NR3C1: variants seen among roughly 807,000 people sequenced by gnomAD.
NR3C1 encodes the protein glucocorticoid receptor.
NR3C1 carries 14 observed loss-of-function variants against 74.0 expected under a neutral mutation model. The observed-to-expected ratio is 0.19, with a 90% CI of 0.12 to 0.30. The LOEUF (loss-of-function observed/expected upper bound fraction) is 0.30, where lower values mean the gene tolerates loss of function less well. Ranked by LOEUF, NR3C1 falls within the 10% of genes least tolerant of loss-of-function variation. The probability of loss-of-function intolerance (pLI) is 1.00; values close to 1 mark genes in which losing one functional copy is unlikely to be tolerated. For missense variants in NR3C1, 695 were observed against 909.8 expected, an observed-to-expected ratio of 0.76 and a Z score of 3.04; for synonymous variants, 308 against 332.5, an observed-to-expected ratio of 0.93 and a Z score of 0.80.
intron 2 of NR3C1, among the ~76,000 whole-genome samples, chr5:143,322,161 C>T (rs1195509538): frequency 6.6e-6 from 1 of 152,138 alleles, no homozygotes; most frequent in Non-Finnish European, 1.5e-5. Context: ...TCTCCACAGA[C>T]CTAAGAGGTG....
chr5:143,403,624 C>G lies in NR3C1; in HGVS notation c.-427G>C, dbSNP rs10482607. The G allele has an allele frequency of 7.5e-5, 74 of 986,290 alleles. No individual in the cohort carries two copies. In the African/African-American group the frequency reaches 1.1e-3, roughly 15 times the overall value. The allele number at this position is 986,290 out of a possible 1,614,324, so 61.1% of individuals were successfully genotyped here. A position where few individuals can be genotyped will look rare whatever the true frequency, so the allele number is the denominator to read the frequency against. ...CGGCGGAGGGAAGAGAGCGCGGACA[C>G]GCGAAAGGGCAGCCCGGCCTGGGCG... On this transcript the variant is annotated 5_prime_UTR_variant, in exon 1 of 9. Transcript: ENST00000394464.
intron 2 of NR3C1, among the ~76,000 whole-genome samples, chr5:143,356,427 T>C (rs972827530): frequency 6.6e-6 from 1 of 151,848 alleles, no homozygotes; most frequent in Non-Finnish European, 1.5e-5. Flanking sequence ...GAAAAATGGG[T>C]GGGAAGTATC....
rs571795102 is a variant in NR3C1 at position 143,403,515 on chromosome 5, T to A, written c.-318A>T. ...GGCCGCTCCGGCTGCGGCGTCTCCT[T>A]CCACCCACAGAATCCGTCCCCGACG... On this transcript the variant is annotated 5_prime_UTR_variant, in exon 1 of 9. Transcript: ENST00000394464. The A allele has an allele frequency of 1.0e-6, 1 of 985,202 alleles. No homozygotes were observed. The allele number at this position is 985,202 out of a possible 1,614,324, so 61.0% of individuals were successfully genotyped here.
At chr5:143,426,817 C>T (rs1397430694) in intron 1 of NR3C1, among the ~76,000 whole-genome samples, 8 of 152,222 alleles carry the variant, frequency 5.3e-5, no homozygotes, top group Non-Finnish European at 1.2e-4. Context: ...TTGGCTGATG[C>T]TGACCTGTGA....
At chr5:143,422,881 G>A (rs946166896) in intron 1 of NR3C1, among the ~76,000 whole-genome samples, 2 of 152,026 alleles carry the variant, frequency 1.3e-5, no homozygotes, top group Admixed American at 1.3e-4. Context: ...AATGACTTTT[G>A]TCTTTCTTGT....
At chr5:143,426,984 A>G (rs891544694) in intron 1 of NR3C1, among the ~76,000 whole-genome samples, 10 of 152,176 alleles carry the variant, frequency 6.6e-5, no homozygotes, top group African/African-American at 2.4e-4. Flanking sequence ...AAGTCCATAA[A>G]TCATACAGAC....
chr5:143,431,961 A>T (rs973722753), intron 1 of NR3C1, among the ~76,000 whole-genome samples: 2 of 152,032 alleles, frequency 1.3e-5, no homozygotes, highest in Admixed American at 6.5e-5. Flanking sequence ...AACAGAGATG[A>T]CTCTCCCTGA....
chr5:143,404,245 G>A (rs1840892023), upstream of NR3C1: 1 of 985,260 alleles, frequency 1.0e-6, no homozygotes. Flanking sequence ...GTGTCACTTC[G>A]AAAGGGGCTA....
At position 143,278,232 on chromosome 5, in the gene NR3C1, CTG is replaced by C. The variant is rs971648141; in HGVS notation, c.*3655_*3656del. On this transcript the variant is annotated 3_prime_UTR_variant, in exon 9 of 9. Coordinates refer to ENST00000394464, the MANE Select transcript of NR3C1 (RefSeq NM_000176.3). The stretch of plus-strand genomic sequence containing the variant: ...TTAATTTTTACACATTTTAAAATTA[CTG>C]TGATAAAAAATAATGAAAAAGCTTC... 4.0e-5 allele frequency: 6 copies of C among 151,818 alleles called. No individual in the cohort carries two copies. The highest frequency in any genetic ancestry group is 8.8e-5 in the Non-Finnish European group (6 of 67,960). 9.4% of individuals were successfully genotyped at this position (151,818 alleles called of 1,614,324 possible). A position where few individuals can be genotyped will look rare whatever the true frequency, so the allele number is the denominator to read the frequency against.
intron 2 of NR3C1, chr5:143,389,824 G>C: frequency 2.7e-6 from 1 of 376,698 alleles, no homozygotes; most frequent in Non-Finnish European, 3.7e-6. Context: ...CAAAGTAAGA[G>C]GTTCAAGGCA....
chr5:143,341,383 G>T lies in NR3C1; in HGVS notation c.1185-27215C>A, dbSNP rs1161441665. 4.6e-5 allele frequency among the ~76,000 whole-genome samples: 7 copies of T among 152,142 alleles called. 1 individual carries two copies. The highest frequency in any genetic ancestry group is 2.0e-4 in the Admixed American group (3 of 15,278). Reference sequence around the variant, plus strand: ...TAGCAAAAGGAGACATTCTATTTAAGCAAAGTTATTAGAACAATGGTGATT... The same window carrying T: ...TAGCAAAAGGAGACATTCTATTTAATCAAAGTTATTAGAACAATGGTGATT... On this transcript the variant is annotated intron_variant, in intron 2 of 8. Transcript: ENST00000394464.
chr5:143,305,700 A>C (rs1383843495), intron 4 of NR3C1, among the ~76,000 whole-genome samples: 2 of 152,156 alleles, frequency 1.3e-5, no homozygotes, highest in Non-Finnish European at 2.9e-5. Flanking sequence ...ACACATAGAC[A>C]TAAAGATGGG....
intron 2 of NR3C1, among the ~76,000 whole-genome samples, chr5:143,334,715 T>C (rs1412078014): frequency 6.8e-6 from 1 of 148,076 alleles, no homozygotes; most frequent in Admixed American, 6.7e-5. Context: ...TGTTCACTTG[T>C]CTCTGCTGTG....
intron 1 of NR3C1, among the ~76,000 whole-genome samples, chr5:143,427,490 C>T (rs1477217149): frequency 6.6e-6 from 1 of 152,044 alleles, no homozygotes; most frequent in African/African-American, 2.4e-5. Context: ...CAAAACAAAC[C>T]TCAGCAGTGC....
chr5:143,281,835 C>T lies in NR3C1; in HGVS notation c.*54G>A, dbSNP rs1813160655. The T allele has an allele frequency of 6.6e-7, 1 of 1,526,152 alleles. No homozygotes were observed. Among genetic ancestry groups the T allele is most frequent in the Middle Eastern group, 1.9e-4 (1 of 5,252 alleles). The allele number at this position is 1,526,152 out of a possible 1,614,324, so 94.5% of individuals were successfully genotyped here. ...CTACAGGACAAACTGATAGTTTATACAATAAAAGCTATTAATTCGACTTTC... is the reference window on the plus strand; with the variant it reads ...CTACAGGACAAACTGATAGTTTATATAATAAAAGCTATTAATTCGACTTTC... On this transcript the variant is annotated 3_prime_UTR_variant, in exon 9 of 9. Coordinates refer to ENST00000394464, the MANE Select transcript of NR3C1 (RefSeq NM_000176.3).
chr5:143,338,175 G>A (rs887806393), intron 2 of NR3C1, among the ~76,000 whole-genome samples: 2 of 152,136 alleles, frequency 1.3e-5, no homozygotes, highest in African/African-American at 4.8e-5. Context: ...TTATGTTTGT[G>A]GTGATGCTGG....
At chr5:143,350,358 ATTTAG>A (rs756576200) in intron 2 of NR3C1, among the ~76,000 whole-genome samples, 2 of 152,274 alleles carry the variant, frequency 1.3e-5, no homozygotes, top group South Asian at 2.1e-4. Context: ...CGAGGTATTT[ATTTAG>A]TCCAATCTAT....
chr5:143,294,526 T>C (rs1255910449), intron 7 of NR3C1: 1 of 162,882 alleles, frequency 6.1e-6, no homozygotes, highest in Non-Finnish European at 1.3e-5. Flanking sequence ...GGTTCACTCT[T>C]GGTGGTGGAC....
upstream of NR3C1, chr5:143,403,786 T>G (rs145933110): frequency 2.0e-6 from 2 of 980,594 alleles, no homozygotes; most frequent in African/African-American, 3.5e-5. Flanking sequence ...CGATGCAACC[T>G]GTTGGTGACG....
Sources: gnomAD v4.1 joint callset for allele counts (sites outside exome capture counted in the v4.1 genomes callset) on GRCh38, gnomAD v4.1.1 for gene constraint, MANE v1.5 for transcripts, NCBI Gene and HGNC (gene_info 2026-07-23, HGNC 2026-07-21) for gene names.